The following USH2A variants were observed in gnomAD, a reference collection of about 807,000 sequenced individuals.
USH2A encodes usherin.
In USH2A, 443 loss-of-function variants were observed where a neutral mutation model predicts 538.9. The ratio of observed to expected loss-of-function variants is 0.82; its 90% CI spans 0.76 to 0.89. USH2A has a LOEUF of 0.89. USH2A is among the 40% of genes least tolerant of loss of function. USH2A has a pLI of 0.00. For synonymous variants in USH2A, 2,413 were observed against 2,273.5 expected (o/e 1.06, Z -1.75); for missense variants, 6,633 against 6,324.8 (o/e 1.05, Z -1.65).
At chr1:215,726,275 T>C (rs2820716) in intron 61 of USH2A, among the ~76,000 whole-genome samples, 122,295 of 152,128 alleles carry the variant, frequency 0.8, 52,080 homozygotes, top group Non-Finnish European at 0.97. Context: ...TTAAGAACAC[T>C]GCTTCTAATG....
chr1:216,197,877 A>G (rs2034886893), intron 18 of USH2A, among the ~76,000 whole-genome samples: 1 of 152,192 alleles, frequency 6.6e-6, no homozygotes, highest in Non-Finnish European at 1.5e-5. Flanking sequence ...ACAATCTAGT[A>G]TCTAAACTAT....
At chr1:215,959,846 C>A (rs1667154263) in intron 37 of USH2A, among the ~76,000 whole-genome samples, 1 of 152,100 alleles carries the variant, frequency 6.6e-6, no homozygotes, top group South Asian at 2.1e-4. Flanking sequence ...TGGTGCCTTG[C>A]CTTAGAAACT....
chr1:215,817,245 T>C (rs2102796636), intron 47 of USH2A, 50 bp from the exon 48 acceptor site: 1 of 1,573,748 alleles, frequency 6.4e-7, no homozygotes, highest in East Asian at 2.3e-5. Flanking sequence ...TATTTAACAT[T>C]GATGCTATCA....
At chr1:215,777,452 C>A (rs1661497034) in intron 55 of USH2A, among the ~76,000 whole-genome samples, 1 of 152,198 alleles carries the variant, frequency 6.6e-6, no homozygotes, top group Non-Finnish European at 1.5e-5. Context: ...TTGATAGATA[C>A]TACAAGAAGA....
intron 67 of USH2A, among the ~76,000 whole-genome samples, chr1:215,645,030 C>A (rs946508742): frequency 6.6e-6 from 1 of 152,120 alleles, no homozygotes; most frequent in African/African-American, 2.4e-5. Context: ...GAAGGACCAC[C>A]CTTTCCTTGT....
intron 35 of USH2A, among the ~76,000 whole-genome samples, chr1:215,974,351 C>T (rs888993813): frequency 6.6e-6 from 1 of 151,880 alleles, no homozygotes; most frequent in African/African-American, 2.4e-5. Flanking sequence ...GCTGTTTTTT[C>T]CAACTTTTAT....
At chr1:216,178,331 G>C (rs958335178) in intron 20 of USH2A, among the ~76,000 whole-genome samples, 1 of 152,080 alleles carries the variant, frequency 6.6e-6, no homozygotes, top group African/African-American at 2.4e-5. Flanking sequence ...CTAAAAATCA[G>C]TTAAATGGTA....
chr1:216,136,465 G>T (rs562339230), intron 21 of USH2A, among the ~76,000 whole-genome samples: 1 of 152,244 alleles, frequency 6.6e-6, no homozygotes, highest in Non-Finnish European at 1.5e-5. Flanking sequence ...TAAGGAATTA[G>T]TTGGAGTTGT....
rs751269773 is a variant in USH2A at position 216,421,958 on chromosome 1, A to G, written c.379T>C (p.Phe127Leu). The G allele has an allele frequency of 6.2e-7, 1 of 1,613,960 alleles. No homozygotes were observed. Among genetic ancestry groups the G allele is most frequent in the East Asian group, 2.2e-5 (1 of 44,872 alleles). ...CAGCTCTTGTGATTTCCAAAAATAA[A>G]ACTTGCAGAATTGCTATGGGCGTTA... ...HPNAHSNSAS[F>L]IFGNHKSCFS... The change falls in exon 2 of 72, where the codon TTT becomes CTT. Residue 127 changes from phenylalanine to leucine, a missense_variant. Phe to Leu is a conservative substitution (Grantham distance 22). Transcript: ENST00000307340.
At chr1:215,948,111 A>G (rs936107027) in intron 37 of USH2A, among the ~76,000 whole-genome samples, 1 of 152,072 alleles carries the variant, frequency 6.6e-6, no homozygotes, top group Non-Finnish European at 1.5e-5. Flanking sequence ...CATCTCTTGT[A>G]TAACAATCTC....
At chr1:216,340,493 AG>A (rs1287327538) in intron 4 of USH2A, among the ~76,000 whole-genome samples, 2 of 150,148 alleles carry the variant, frequency 1.3e-5, no homozygotes, top group Non-Finnish European at 3.0e-5. Context: ...TCATTTTATG[AG>A]GCCAGCATCA....
At chr1:215,725,918 T>G (rs932794406) in intron 61 of USH2A, among the ~76,000 whole-genome samples, 2 of 152,190 alleles carry the variant, frequency 1.3e-5, no homozygotes, top group African/African-American at 4.8e-5. Flanking sequence ...ATACTTTAAA[T>G]CTTGTGTTTT....
intron 55 of USH2A, among the ~76,000 whole-genome samples, chr1:215,779,059 C>G (rs369597527): frequency 1.1e-4 from 16 of 152,240 alleles, no homozygotes; most frequent in African/African-American, 3.4e-4. Flanking sequence ...GGTTCCTGCT[C>G]TCTTGGAGCC....
intron 60 of USH2A, among the ~76,000 whole-genome samples, chr1:215,737,525 A>G (rs1660189085): frequency 1.3e-5 from 2 of 151,920 alleles, no homozygotes; most frequent in African/African-American, 4.8e-5. Context: ...TTTTTCCACT[A>G]TATATTTTAC....
intron 36 of USH2A, among the ~76,000 whole-genome samples, chr1:215,967,083 G>T (rs1667364459): frequency 6.6e-6 from 1 of 152,160 alleles, no homozygotes; most frequent in Non-Finnish European, 1.5e-5. Flanking sequence ...AGTTGGCTTG[G>T]CTTTGGCCTG....
intron 41 of USH2A, among the ~76,000 whole-genome samples, chr1:215,883,275 G>C (rs1395907504): frequency 6.6e-6 from 1 of 151,914 alleles, no homozygotes; most frequent in Admixed American, 6.6e-5. Context: ...TTATTAGAAG[G>C]CCTATGCATA....
At chr1:215,900,050 G>T (rs138348112) in intron 40 of USH2A, 25 bp downstream of exon 40, 28 of 1,613,332 alleles carry the variant, frequency 1.7e-5, no homozygotes, top group Non-Finnish European at 2.2e-5. Context: ...AAGACATTTG[G>T]CTGTGTATTG....
At chr1:215,904,752 C>T (rs1558153886) in intron 38 of USH2A, among the ~76,000 whole-genome samples, 1 of 152,038 alleles carries the variant, frequency 6.6e-6, no homozygotes, top group Non-Finnish European at 1.5e-5. Context: ...TAATTCTACA[C>T]AGCGACTAGA....
At chr1:216,322,343 C>T (rs1426085156) in intron 8 of USH2A, among the ~76,000 whole-genome samples, 1 of 152,068 alleles carries the variant, frequency 6.6e-6, no homozygotes, top group East Asian at 1.9e-4. Context: ...TGGCTCACGC[C>T]TGTAATCTCA....
Sources: gnomAD v4.1 joint callset for allele counts (sites outside exome capture counted in the v4.1 genomes callset) on GRCh38, gnomAD v4.1.1 for gene constraint, MANE v1.5 for transcripts, NCBI Gene and HGNC (gene_info 2026-07-23, HGNC 2026-07-21) for gene names.